The following RBMS3 variants were observed in gnomAD, a reference collection of about 807,000 sequenced individuals.
RBMS3 encodes the protein RNA-binding motif, single-stranded-interacting protein 3.
In RBMS3, 27 loss-of-function variants were observed where a neutral mutation model predicts 66.8. The observed-to-expected ratio is 0.40, with a 90% CI of 0.30 to 0.56. The LOEUF is 0.56. Among genes scored for constraint, RBMS3 ranks in the 20% least tolerant of loss-of-function variants. The pLI is 0.40. For synonymous variants in RBMS3, 188 were observed against 183.0 expected (o/e 1.03, Z -0.22); for missense variants, 513 against 549.5 (o/e 0.93, Z 0.66).
At chr3:29,477,911 A>G (rs1051795270) in intron 2 of RBMS3, among the ~76,000 whole-genome samples, 2 of 152,054 alleles carry the variant, frequency 1.3e-5, no homozygotes, top group Non-Finnish European at 2.9e-5. Flanking sequence ...GACCACAGGA[A>G]TGCACCACGA....
intron 12 of RBMS3, among the ~76,000 whole-genome samples, chr3:29,961,995 AAT>A (rs1408998975): frequency 4.0e-4 from 58 of 145,676 alleles, no homozygotes; most frequent in South Asian, 3.2e-3. Context: ...TAATATATAT[AAT>A]ATATATATTA....
chr3:29,850,741 T>C (rs2058913724), intron 6 of RBMS3, among the ~76,000 whole-genome samples: 1 of 152,226 alleles, frequency 6.6e-6, no homozygotes, highest in South Asian at 2.1e-4. Context: ...TGGAAGTACC[T>C]CTGTTTGATT....
intron 3 of RBMS3, among the ~76,000 whole-genome samples, chr3:29,579,271 G>A (rs2047240085): frequency 1.3e-5 from 2 of 152,190 alleles, no homozygotes; most frequent in African/African-American, 4.8e-5. Context: ...GTGGGGAAGA[G>A]TAAGTAGGGA....
intron 1 of RBMS3, among the ~76,000 whole-genome samples, chr3:29,306,744 G>T (rs2034039590): frequency 6.6e-6 from 1 of 151,818 alleles, no homozygotes; most frequent in South Asian, 2.1e-4. Context: ...CCCTTCAGTT[G>T]ATCAAGCTGA....
chr3:29,888,652 G>A (rs1301854590), intron 8 of RBMS3, among the ~76,000 whole-genome samples: 5 of 151,650 alleles, frequency 3.3e-5, no homozygotes, highest in Non-Finnish European at 7.4e-5. Context: ...CTATGTCATT[G>A]TCCCAAACTG....
In RBMS3 at chr3:30,008,054, C is replaced by A. The variant is rs2125412271; in HGVS notation, c.*4192C>A. On this transcript the variant is annotated 3_prime_UTR_variant, in exon 15 of 15. Transcript: ENST00000383767. Reference sequence around the variant, plus strand: ...GCTTTAAAAGTACTTTCAATTTATGCATGACTCCAAAAAAGTAATTTTTTT... The same window carrying A: ...GCTTTAAAAGTACTTTCAATTTATGAATGACTCCAAAAAAGTAATTTTTTT... 6.6e-6 allele frequency: 1 copy of A among 150,404 alleles called. No individual in the cohort carries two copies. Among genetic ancestry groups the A allele is most frequent in the African/African-American group, 2.4e-5 (1 of 41,210 alleles). 9.3% of individuals were successfully genotyped at this position (150,404 alleles called of 1,614,324 possible). A position where few individuals can be genotyped will look rare whatever the true frequency, so the allele number is the denominator to read the frequency against.
intron 2 of RBMS3, among the ~76,000 whole-genome samples, chr3:29,462,305 C>T (rs2042399657): frequency 6.6e-6 from 1 of 152,162 alleles, no homozygotes; most frequent in African/African-American, 2.4e-5. Flanking sequence ...GAGAGGCTGT[C>T]TTCAGTCTGT....
intron 6 of RBMS3, among the ~76,000 whole-genome samples, chr3:29,836,871 T>G (rs1230638869): frequency 6.6e-6 from 1 of 151,788 alleles, no homozygotes; most frequent in Non-Finnish European, 1.5e-5. Context: ...TCAGTAAAGC[T>G]GGGGTGGGGA....
chr3:29,790,285 T>C (rs1396506117), intron 6 of RBMS3, among the ~76,000 whole-genome samples: 1 of 152,188 alleles, frequency 6.6e-6, no homozygotes, highest in African/African-American at 2.4e-5. Flanking sequence ...AATTGCACTA[T>C]AAAGGTTAAA....
intron 1 of RBMS3, among the ~76,000 whole-genome samples, chr3:29,365,895 A>C (rs958163119): frequency 2.0e-5 from 3 of 152,124 alleles, no homozygotes; most frequent in African/African-American, 7.2e-5. Context: ...TGCCTCCTTA[A>C]CATTTGTGAG....
chr3:29,701,889 C>T (rs1030394879), intron 4 of RBMS3, among the ~76,000 whole-genome samples: 18 of 151,374 alleles, frequency 1.2e-4, no homozygotes, highest in East Asian at 7.8e-4. Context: ...CGGCGCCGCC[C>T]GGTCCCATCG....
chr3:29,805,987 C>G (rs2149450116), intron 6 of RBMS3, among the ~76,000 whole-genome samples: 1 of 152,062 alleles, frequency 6.6e-6, no homozygotes, highest in South Asian at 2.1e-4. Context: ...ACAGGGGTGC[C>G]ATTTTTAATA....
intron 3 of RBMS3, among the ~76,000 whole-genome samples, chr3:29,584,772 A>T (rs1036151416): frequency 1.3e-5 from 2 of 152,100 alleles, no homozygotes; most frequent in African/African-American, 4.8e-5. Context: ...AATATAACTC[A>T]AAGCATCCAT....
intron 6 of RBMS3, among the ~76,000 whole-genome samples, chr3:29,805,446 T>A (rs894063350): frequency 1.3e-5 from 2 of 152,072 alleles, no homozygotes; most frequent in Non-Finnish European, 2.9e-5. Context: ...CTCAGGCAAG[T>A]CTTTCAGGAA....
At chr3:29,605,968 GTT>G (rs199500576) in intron 4 of RBMS3, among the ~76,000 whole-genome samples, 21,869 of 140,804 alleles carry the variant, frequency 0.16, 1,824 homozygotes, top group East Asian at 0.32. Context: ...AAACAAGGTA[GTT>G]TTTTTTTTTT....
intron 3 of RBMS3, among the ~76,000 whole-genome samples, chr3:29,558,596 G>A (rs1421446489): frequency 6.6e-6 from 1 of 152,176 alleles, no homozygotes; most frequent in African/African-American, 2.4e-5. Context: ...CGACAAATAA[G>A]CTTCTAGTGT....
At chr3:29,726,938 A>G (rs1402575746) in intron 4 of RBMS3, among the ~76,000 whole-genome samples, 1 of 152,296 alleles carries the variant, frequency 6.6e-6, no homozygotes, top group Admixed American at 6.5e-5. Flanking sequence ...ATGAAGCTGG[A>G]GGCATCACAA....
intron 1 of RBMS3, among the ~76,000 whole-genome samples, chr3:29,307,113 C>G (rs1287644019): frequency 6.6e-6 from 1 of 151,872 alleles, no homozygotes; most frequent in Non-Finnish European, 1.5e-5. Context: ...CCTACTATTT[C>G]CATTTCAGTC....
intron 4 of RBMS3, among the ~76,000 whole-genome samples, chr3:29,671,927 A>G (rs190697619): frequency 1.5e-3 from 232 of 152,314 alleles, no homozygotes; most frequent in Admixed American, 3.6e-3. Flanking sequence ...AAGGAAATAC[A>G]TAGAACACCA....
Sources: gnomAD v4.1 joint callset for allele counts (sites outside exome capture counted in the v4.1 genomes callset) on GRCh38, gnomAD v4.1.1 for gene constraint, MANE v1.5 for transcripts, NCBI Gene and HGNC (gene_info 2026-07-23, HGNC 2026-07-21) for gene names.